Variants in KATNAL2 observed in about 807,000 individuals in gnomAD.
KATNAL2 encodes katanin catalytic subunit A1 like 2.
Under a neutral mutation model 76.3 loss-of-function variants are expected in KATNAL2, and 52 were observed. The ratio of observed to expected loss-of-function variants is 0.68; its 90% confidence interval spans 0.55 to 0.86. The LOEUF is 0.86. Ranked by LOEUF, KATNAL2 falls within the 40% of genes least tolerant of loss-of-function variation. The pLI is 0.00. For missense variants in KATNAL2, 660 were observed against 668.9 expected (o/e 0.99, Z 0.15); for synonymous variants, 243 against 244.2 (o/e 1.00, Z 0.05).
Position 47,052,869 on chromosome 18 carries a change from G to GA in KATNAL2, c.123-8dup. On this transcript the variant is annotated splice_polypyrimidine_tract_variant and intron_variant, in intron 4 of 17. Transcript: ENST00000683218. ...AGTTAATTTCTTCTTTTTATTCTGT[G>GA]AAACTGCCAGGTATATCGATACAGC... The GA allele has an allele frequency of 1.3e-6, 2 of 1,577,364 alleles. No individual in the cohort carries two copies. Among genetic ancestry groups the GA allele is most frequent in the Non-Finnish European group, 1.7e-6 (2 of 1,165,890 alleles).
At chr18:46,946,789 T>C in intron 2 of KATNAL2, 65 bp from the exon 3 acceptor site, 1 of 1,400,302 alleles carries the variant, frequency 7.1e-7, no homozygotes, top group Non-Finnish European at 9.8e-7. Flanking sequence ...GCGGGCTGGT[T>C]AAGCGTCAGG....
intron 4 of KATNAL2, 66 bp from the exon 5 acceptor site, chr18:47,052,814 A>T: frequency 7.9e-7 from 1 of 1,266,352 alleles, no homozygotes; most frequent in Non-Finnish European, 1.1e-6. Flanking sequence ...TAGACTTGTA[A>T]TGCCTGTTAG....
chr18:47,065,787 T>G (rs1003632708), intron 10 of KATNAL2, among the ~76,000 whole-genome samples: 3 of 151,766 alleles, frequency 2.0e-5, no homozygotes, highest in African/African-American at 7.3e-5. Flanking sequence ...AGTTTGAGAC[T>G]GGGCAACATA....
chr18:47,089,748 C>T (rs2147352861), intron 15 of KATNAL2, among the ~76,000 whole-genome samples: 1 of 152,256 alleles, frequency 6.6e-6, no homozygotes, highest in Admixed American at 6.5e-5. Context: ...TGCGGCTTTT[C>T]TCTATTGATT....
chr18:46,966,055 G>A (rs1278800340), intron 3 of KATNAL2, among the ~76,000 whole-genome samples: 1 of 147,264 alleles, frequency 6.8e-6, no homozygotes, highest in East Asian at 2.1e-4. Flanking sequence ...AAAGATAATC[G>A]TTATAGCCTG....
At chr18:47,079,398 T>C (rs1282380740) in intron 15 of KATNAL2, among the ~76,000 whole-genome samples, 1 of 151,522 alleles carries the variant, frequency 6.6e-6, no homozygotes, top group Non-Finnish European at 1.5e-5. Flanking sequence ...GCCTCTTTTT[T>C]TTCTTTTTTT....
rs768090755 is a variant in KATNAL2, at chr18:47,062,973, G to A, written c.551G>A (p.Gly184Asp). 1.2e-6 allele frequency: 2 copies of A among 1,613,132 alleles called. No individual in the cohort carries two copies. The highest frequency in any genetic ancestry group is 1.7e-5 in the Admixed American group (1 of 59,972). The stretch of plus-strand genomic sequence containing the variant: ...TAAATAACCATTCCTCCCTTTCAGG[G>A]CCAAATCATTGACTTCCAAGGGCTG... ...SGEENAHPRR[G>D]QIIDFQGLLT... is the part of the protein sequence containing the mutation. Residue 184 changes from glycine (G) to aspartate (D), a missense_variant and splice_region_variant, in exon 9 of 18, where the codon GGC becomes GAC. Physicochemically the swap from Gly to Asp is moderately conservative, Grantham distance 94 (BLOSUM62 -1). Coordinates refer to ENST00000683218, the MANE Select transcript of KATNAL2 (RefSeq NM_001387690.1).
intron 1 of KATNAL2, among the ~76,000 whole-genome samples, chr18:46,935,781 T>C (rs1461628681): frequency 6.6e-6 from 1 of 151,978 alleles, no homozygotes. Flanking sequence ...CCAGGCATGG[T>C]GGTGTGTGCC....
intron 1 of KATNAL2, among the ~76,000 whole-genome samples, chr18:46,933,405 G>T (rs952576581): frequency 6.6e-6 from 1 of 152,136 alleles, no homozygotes; most frequent in Non-Finnish European, 1.5e-5. Flanking sequence ...AGATGAAGAG[G>T]TTAATAAACA....
At chr18:47,094,239 G>A (rs1386159198) in intron 15 of KATNAL2, among the ~76,000 whole-genome samples, 1 of 152,112 alleles carries the variant, frequency 6.6e-6, no homozygotes, top group East Asian at 1.9e-4. Flanking sequence ...CAAACCTGCT[G>A]GTGCCTTGAT....
In KATNAL2 at chr18:46,965,983, T is replaced by G. The variant is rs1296702565; in HGVS notation, c.51+19060T>G. On this transcript the variant is annotated intron_variant, in intron 3 of 17. Transcript: ENST00000683218. Reference sequence around the variant, plus strand: ...TCACATGACTTTCTCTCTCTCTCTCTCAGTGTGTGTGTGTGTGTGTGTGTG... The same window carrying G: ...TCACATGACTTTCTCTCTCTCTCTCGCAGTGTGTGTGTGTGTGTGTGTGTG... 7.3e-5 allele frequency among the ~76,000 whole-genome samples: 11 copies of G among 150,718 alleles called. No individual in the cohort carries two copies. The South Asian group carries it at 1.7e-3, about 24-fold the overall frequency.
chr18:46,932,707 A>C (rs543564683), intron 1 of KATNAL2, among the ~76,000 whole-genome samples: 1 of 144,336 alleles, frequency 6.9e-6, no homozygotes, highest in Admixed American at 7.1e-5. Context: ...AGCATTCTTC[A>C]CTCATTTCGC....
chr18:46,944,737 A>T (rs1456018653), intron 1 of KATNAL2, among the ~76,000 whole-genome samples: 1 of 152,084 alleles, frequency 6.6e-6, no homozygotes, highest in Non-Finnish European at 1.5e-5. Flanking sequence ...TTCGTCTCAA[A>T]ATAAATAAAT....
intron 1 of KATNAL2, among the ~76,000 whole-genome samples, chr18:46,943,280 A>G (rs2059297897): frequency 6.6e-6 from 1 of 152,170 alleles, no homozygotes; most frequent in South Asian, 2.1e-4. Context: ...TTTGAACTAC[A>G]GCAACTCAAT....
chr18:46,960,879 G>T (rs1205200730), intron 3 of KATNAL2, among the ~76,000 whole-genome samples: 1 of 152,210 alleles, frequency 6.6e-6, no homozygotes, highest in Non-Finnish European at 1.5e-5. Flanking sequence ...CAGACACCGG[G>T]TTAAAGAAGG....
chr18:47,082,225 G>C (rs1042029873), intron 15 of KATNAL2, among the ~76,000 whole-genome samples: 12 of 152,106 alleles, frequency 7.9e-5, no homozygotes, highest in African/African-American at 2.9e-4. Flanking sequence ...ACATTTTCAG[G>C]CCAGATAATT....
intron 3 of KATNAL2, among the ~76,000 whole-genome samples, chr18:46,965,581 G>GGC (rs2060096175): frequency 1.4e-5 from 1 of 73,872 alleles, no homozygotes; most frequent in African/African-American, 5.5e-5. Flanking sequence ...TAGCATCCCC[G>GGC]CCCCCCCCCC....
In KATNAL2 at chr18:46,919,017, G is replaced by A. The variant is rs1051535890; in HGVS notation, c.-510+1091G>A. On this transcript the variant is annotated intron_variant, in intron 1 of 17. Coordinates refer to ENST00000683218, the MANE Select transcript of KATNAL2 (RefSeq NM_001387690.1). ...CGTGTATATATATATATGTGTGTGT[G>A]TGTGTGTGTGTGTGTTGTGTATATA... Among the ~76,000 whole-genome samples, 11 of 151,620 alleles carry A rather than the reference G, an allele frequency of 7.3e-5. No individual in the cohort carries two copies. In the East Asian group the frequency reaches 7.8e-4, roughly 11 times the overall value.
intron 3 of KATNAL2, among the ~76,000 whole-genome samples, chr18:46,960,203 C>G (rs949401898): frequency 1.3e-5 from 2 of 152,084 alleles, no homozygotes; most frequent in Admixed American, 1.3e-4. Flanking sequence ...TTGGGAGGCC[C>G]AGGTAGGTGG....
Sources: allele counts gnomAD v4.1 joint callset (sites outside exome capture counted in the v4.1 genomes callset), GRCh38; gene constraint gnomAD v4.1.1; transcripts MANE v1.5; gene names NCBI Gene and HGNC (gene_info 2026-07-23, HGNC 2026-07-21).